Variants in GSTM5 observed in about 807,000 individuals in gnomAD.
GSTM5 encodes GST class-mu 5.
A neutral mutation model predicts 29.0 loss-of-function variants in GSTM5; 24 were observed. The observed-to-expected ratio is 0.83, with a 90% CI of 0.60 to 1.16. GSTM5 has a LOEUF of 1.16. Among genes scored for constraint, GSTM5 ranks in the 50% most tolerant of loss-of-function variants. The pLI, the probability that GSTM5 is intolerant of heterozygous loss-of-function variation, is 0.00. For missense variants in GSTM5, 290 were observed against 263.0 expected (o/e 1.10, Z -0.71); for synonymous variants, 91 against 93.6 (o/e 0.97, Z 0.16).
intron 5 of GSTM5, 41 bp from the exon 6 acceptor site, chr1:109,714,906 A>T (rs12730212): frequency 0.034 from 54,669 of 1,605,386 alleles, 1,495 homozygotes; most frequent in South Asian, 0.1. Flanking sequence ...CTGTGCAGGG[A>T]GCTTTTGTCT....
At chr1:109,712,963 T>C (rs969633150) in intron 2 of GSTM5, 156 bp from the exon 3 acceptor site, 32 of 977,640 alleles carry the variant, frequency 3.3e-5, no homozygotes, top group Admixed American at 4.1e-5. Context: ...GAGCCCTCAG[T>C]GGGATTCTTT....
At chr1:109,713,407 C>T (rs62619926) in intron 3 of GSTM5, 77 bp from the exon 4 acceptor site, 51,517 of 1,592,754 alleles carry the variant, frequency 0.032, 1,162 homozygotes, top group South Asian at 0.1. Context: ...GGTCTCCTCT[C>T]TGCCCTTGCA....
intron 1 of GSTM5, 107 bp downstream of exon 1, chr1:109,712,455 C>T: frequency 4.5e-6 from 6 of 1,322,968 alleles, no homozygotes; most frequent in Non-Finnish European, 6.5e-6. Context: ...CTGCCCGCCT[C>T]AGAAGGGCCT....
chr1:109,716,143 G>A, intron 7 of GSTM5: 1 of 300,166 alleles, frequency 3.3e-6, no homozygotes. Flanking sequence ...CTCACTCACG[G>A]GGAACCATCC....
rs1185891697 is a variant in GSTM5, at chr1:109,717,846, T to A, written c.*420T>A. 1 of 168,764 alleles carries A rather than the reference T, an allele frequency of 5.9e-6. No homozygotes were observed. Among genetic ancestry groups the A allele is most frequent in the African/African-American group, 2.4e-5 (1 of 41,758 alleles). The allele number at this position is 168,764 out of a possible 1,614,324, so 10.5% of individuals were successfully genotyped here. ...AGTAAAGCCTGAACCATGCCTGCCATGTCTTGTCTTATTCCCTGAGGCTCC... is the reference window on the plus strand; with the variant it reads ...AGTAAAGCCTGAACCATGCCTGCCAAGTCTTGTCTTATTCCCTGAGGCTCC... On this transcript the variant is annotated 3_prime_UTR_variant, in exon 8 of 8. Transcript: ENST00000256593.
intron 5 of GSTM5, 191 bp from the exon 6 acceptor site, chr1:109,714,756 G>A (rs1648683780): frequency 3.2e-6 from 2 of 633,144 alleles, no homozygotes; most frequent in Non-Finnish European, 5.7e-6. Flanking sequence ...ACTTCAGATA[G>A]GGTCTGGCAC....
rs1570648942 is a variant in GSTM5 at position 109,712,607 on chromosome 1, A to G, written c.37-11A>G. Reference sequence around the variant, plus strand: ...CCATCTCTGACCCGAGCCGCGGGCCATCTCTCCCAGCTGGCCCACGCCATC... The same window carrying G: ...CCATCTCTGACCCGAGCCGCGGGCCGTCTCTCCCAGCTGGCCCACGCCATC... On this transcript the variant is annotated splice_polypyrimidine_tract_variant and intron_variant, in intron 1 of 7. Transcript: ENST00000256593. The G allele has an allele frequency of 2.5e-6, 4 of 1,613,254 alleles. No homozygotes were observed. Among genetic ancestry groups the G allele is most frequent in the Non-Finnish European group, 3.4e-6 (4 of 1,179,390 alleles).
At chr1:109,712,110 C>G, upstream of GSTM5, 1 of 621,650 alleles carries the variant, frequency 1.6e-6, no homozygotes, top group Non-Finnish European at 2.9e-6. Context: ...CTCCCGGAAC[C>G]CTGGGGACTG....
chr1:109,717,514 C>T lies in GSTM5; in HGVS notation c.*88C>T. 1.1e-6 allele frequency: 1 copy of T among 903,678 alleles called. No individual in the cohort carries two copies. Among genetic ancestry groups the T allele is most frequent in the Non-Finnish European group, 1.9e-6 (1 of 538,638 alleles). The allele number at this position is 903,678 out of a possible 1,614,324, so 56.0% of individuals were successfully genotyped here. ...CAGCCTGACTCCCTGGACCTGCCTT[C>T]TTCCTTTTTCCTTCTTTCTACTCTC... On this transcript the variant is annotated 3_prime_UTR_variant, in exon 8 of 8. Transcript: ENST00000256593.
chr1:109,716,431 G>T, intron 7 of GSTM5: 1 of 155,526 alleles, frequency 6.4e-6, no homozygotes. Flanking sequence ...GGCCCTTTGG[G>T]GAGAGGGAGC....
At chr1:109,712,596 A>T (rs1648593941) in intron 1 of GSTM5, 22 bp from the exon 2 acceptor site, 2 of 1,613,446 alleles carry the variant, frequency 1.2e-6, no homozygotes, top group Non-Finnish European at 1.7e-6. Context: ...CTCTGACCCG[A>T]GCCGCGGGCC....
rs374718645 is a variant in GSTM5 at position 109,715,230 on chromosome 1, C to T, written c.557C>T (p.Ser186Phe). ...TTCCTAAACTTGAAGGACTTCATCT[C>T]CCGCTTTGAGGTGATGCCCCCATCC... ...DAFLNLKDFI[S>F]RFEGLKKISA... Residue 186 changes from serine (S) to phenylalanine (F), a missense_variant, in exon 7 of 8, where the codon TCC (serine) becomes TTC (phenylalanine). Transcript: ENST00000256593. 5.0e-6 allele frequency: 8 copies of T among 1,614,102 alleles called. No homozygotes were observed. The Admixed American group carries it at 8.3e-5, about 17-fold the overall frequency.
Position 109,717,182 on chromosome 1 carries a change from A to G in GSTM5, c.568-155A>G, listed in dbSNP as rs912387765. 11 of 596,554 alleles carry G rather than the reference A, an allele frequency of 1.8e-5. No homozygotes were observed. In the African/African-American group the frequency reaches 1.9e-4, roughly 10 times the overall value. The allele number at this position is 596,554 out of a possible 1,614,324, so 37.0% of individuals were successfully genotyped here. On this transcript the variant is annotated intron_variant, in intron 7 of 7. Coordinates refer to ENST00000256593, the MANE Select transcript of GSTM5 (RefSeq NM_000851.4). ...AAGGAAGTTGGAAGAGTTAACTTAG[A>G]AGAGCTGGGGACCTAAGAGACCGTG...
rs577243521 is a variant in GSTM5 at position 109,713,271 on chromosome 1, C to A, written c.177+88C>A. The A allele has an allele frequency of 3.8e-6, 6 of 1,583,954 alleles. No homozygotes were observed. In the South Asian group the frequency reaches 6.6e-5, roughly 18 times the overall value. On this transcript the variant is annotated intron_variant, in intron 3 of 7. Coordinates refer to ENST00000256593, the MANE Select transcript of GSTM5 (RefSeq NM_000851.4). ...CTCCCCACCTTAGAGGTGTTAAGAT[C>A]AGGAGTCTTCTGCCCAATTCCTCTC...
chr1:109,712,737 T>C (rs183814729), intron 2 of GSTM5, 44 bp downstream of exon 2: 1 of 1,609,468 alleles, frequency 6.2e-7, no homozygotes, highest in Non-Finnish European at 8.5e-7. Flanking sequence ...TCACGCTGAG[T>C]TGGCACCAAG....
intron 1 of GSTM5, 74 bp from the exon 2 acceptor site, chr1:109,712,544 T>A: frequency 6.5e-7 from 1 of 1,545,916 alleles, no homozygotes; most frequent in Non-Finnish European, 8.9e-7. Context: ...GACTAGGGGC[T>A]GGCCTGGTGC....
Position 109,717,668 on chromosome 1 carries a change from G to T in GSTM5, c.*242G>T. On this transcript the variant is annotated 3_prime_UTR_variant, in exon 8 of 8. Coordinates refer to ENST00000256593, the MANE Select transcript of GSTM5 (RefSeq NM_000851.4). ...CCCCTCCTAACGTCTTCCTTTCCCT[G>T]CACTAACGCCAACCTGACTGCTTTT... 2.2e-6 allele frequency: 1 copy of T among 462,048 alleles called. No individual in the cohort carries two copies. The highest frequency in any genetic ancestry group is 4.0e-6 in the Non-Finnish European group (1 of 250,786). 28.6% of individuals were successfully genotyped at this position (462,048 alleles called of 1,614,324 possible).
chr1:109,715,565 C>G, intron 7 of GSTM5: 1 of 1,335,030 alleles, frequency 7.5e-7, no homozygotes, highest in Non-Finnish European at 9.9e-7. Flanking sequence ...GCAGTCAGGG[C>G]TCTCCCATTT....
chr1:109,712,161 C>T (rs1030787186), upstream of GSTM5: 3 of 839,954 alleles, frequency 3.6e-6, no homozygotes, highest in South Asian at 1.4e-5. Flanking sequence ...CCCGGGCGCT[C>T]GCTCGGGGGC....
Sources: gnomAD v4.1 joint callset for allele counts on GRCh38, gnomAD v4.1.1 for gene constraint, MANE v1.5 for transcripts, NCBI Gene and HGNC (gene_info 2026-07-23, HGNC 2026-07-21) for gene names.